B3GAT2: variants seen among roughly 807,000 people sequenced by gnomAD.
B3GAT2 encodes the protein beta-1,3-glucuronyltransferase 2, also known as galactosylgalactosylxylosylprotein 3-beta-glucuronosyltransferase 2.
In B3GAT2, 26 loss-of-function variants were observed where a neutral mutation model predicts 27.8. The ratio of observed to expected loss-of-function variants is 0.93; its 90% CI spans 0.68 to 1.30. The LOEUF (loss-of-function observed/expected upper bound fraction) is 1.30, where lower values mean the gene tolerates loss of function less well. Ranked by LOEUF, B3GAT2 falls within the 50% of genes most tolerant of loss-of-function variation. The pLI, the probability that B3GAT2 is intolerant of heterozygous loss-of-function variation, is 0.00. For synonymous variants in B3GAT2, 218 were observed against 195.1 expected (o/e 1.12, Z -0.98); for missense variants, 458 against 459.0 (o/e 1.00, Z 0.02).
chr6:70,911,122 G>A (rs1464698844), intron 1 of B3GAT2, among the ~76,000 whole-genome samples: 2 of 152,070 alleles, frequency 1.3e-5, no homozygotes, highest in Non-Finnish European at 1.5e-5. Context: ...TAGGTTGTCT[G>A]TTTACTCTCT....
Position 70,860,713 on chromosome 6 carries a change from A to C in B3GAT2, c.*950T>G, listed in dbSNP as rs1210555326. 1.7e-5 allele frequency: 7 copies of C among 403,380 alleles called. No homozygotes were observed. In the East Asian group the frequency reaches 2.5e-4, roughly 14 times the overall value. The allele number at this position is 403,380 out of a possible 1,614,324, so 25.0% of individuals were successfully genotyped here. A position where few individuals can be genotyped will look rare whatever the true frequency, so the allele number is the denominator to read the frequency against. On this transcript the variant is annotated 3_prime_UTR_variant, in exon 4 of 4. Transcript: ENST00000230053. The stretch of plus-strand genomic sequence containing the variant: ...TATAAACCCCACCCCAAAATTAGCC[A>C]GTAATCCTGTAGGAAGGTACTGTAT...
chr6:70,930,842 C>T (rs1479436630), intron 1 of B3GAT2, among the ~76,000 whole-genome samples: 3 of 152,006 alleles, frequency 2.0e-5, no homozygotes, highest in East Asian at 1.9e-4. Context: ...GGTTATATAC[C>T]CAAAGGATTA....
intron 1 of B3GAT2, among the ~76,000 whole-genome samples, chr6:70,918,365 C>T (rs566789015): frequency 6.6e-6 from 1 of 152,168 alleles, no homozygotes; most frequent in Non-Finnish European, 1.5e-5. Context: ...CAGTCTGTGT[C>T]TTTTAATTGG....
Position 70,859,462 on chromosome 6 carries a change from T to G in B3GAT2, c.*2201A>C, listed in dbSNP as rs1004041759. On this transcript the variant is annotated 3_prime_UTR_variant, in exon 4 of 4. Coordinates refer to ENST00000230053, the MANE Select transcript of B3GAT2 (RefSeq NM_080742.3). ...TCTTCAGACACTTATGCCTGATTAG[T>G]GATGTAGTTTATGTTAGTGTCTTTG... 8.1e-7 allele frequency: 1 copy of G among 1,237,504 alleles called. No homozygotes were observed. Among genetic ancestry groups the G allele is most frequent in the African/African-American group, 1.5e-5 (1 of 66,630 alleles). 76.7% of individuals were successfully genotyped at this position (1,237,504 alleles called of 1,614,324 possible).
Position 70,858,750 on chromosome 6 carries a change from G to A in B3GAT2, c.*2913C>T, listed in dbSNP as rs1424961764. ...CGGATGATTACTGCCCCATGGCTCTGTAAAAATTCTTTTTGTTGAGAAACC... is the reference window on the plus strand; with the variant it reads ...CGGATGATTACTGCCCCATGGCTCTATAAAAATTCTTTTTGTTGAGAAACC... On this transcript the variant is annotated 3_prime_UTR_variant, in exon 4 of 4. Coordinates refer to ENST00000230053, the MANE Select transcript of B3GAT2 (RefSeq NM_080742.3). 6.5e-6 allele frequency: 1 copy of A among 152,700 alleles called. No individual in the cohort carries two copies. Among genetic ancestry groups the A allele is most frequent in the African/African-American group, 2.4e-5 (1 of 41,440 alleles). 9.5% of individuals were successfully genotyped at this position (152,700 alleles called of 1,614,324 possible).
intron 1 of B3GAT2, among the ~76,000 whole-genome samples, chr6:70,929,926 T>C (rs957654007): frequency 3.3e-5 from 5 of 152,218 alleles, no homozygotes; most frequent in Admixed American, 3.3e-4. Flanking sequence ...GGCATCTTGC[T>C]ACCTGACTTC....
chr6:70,942,735 T>C (rs1451814331), intron 1 of B3GAT2, among the ~76,000 whole-genome samples: 1 of 152,168 alleles, frequency 6.6e-6, no homozygotes, highest in Non-Finnish European at 1.5e-5. Flanking sequence ...TCAATTAATA[T>C]TTGTTAAGTG....
intron 1 of B3GAT2, among the ~76,000 whole-genome samples, chr6:70,931,679 C>T (rs1773065668): frequency 6.6e-6 from 1 of 152,104 alleles, no homozygotes; most frequent in Non-Finnish European, 1.5e-5. Flanking sequence ...CCCAACACCA[C>T]GTACAAAAGA....
chr6:70,925,488 A>G (rs1320500423), intron 1 of B3GAT2, among the ~76,000 whole-genome samples: 2 of 152,238 alleles, frequency 1.3e-5, no homozygotes, highest in Non-Finnish European at 2.9e-5. Context: ...ACGGCACACC[A>G]GGAGATTATA....
intron 1 of B3GAT2, among the ~76,000 whole-genome samples, chr6:70,936,123 C>A (rs1164376699): frequency 1.3e-5 from 2 of 151,740 alleles, no homozygotes; most frequent in Non-Finnish European, 2.9e-5. Flanking sequence ...ATAAAACAGA[C>A]TTTAAACCAA....
intron 1 of B3GAT2, among the ~76,000 whole-genome samples, chr6:70,947,376 A>G (rs1283236406): frequency 3.3e-5 from 5 of 152,074 alleles, no homozygotes; most frequent in African/African-American, 7.2e-5. Flanking sequence ...TCAAATAGAC[A>G]CAAAAAAAAT....
chr6:70,884,484 C>T (rs759570324), intron 2 of B3GAT2, among the ~76,000 whole-genome samples: 6 of 152,156 alleles, frequency 3.9e-5, no homozygotes, highest in South Asian at 2.1e-4. Context: ...CAGGCAGACC[C>T]GAGCGCCCTC....
At chr6:70,919,112 C>G (rs970943586) in intron 1 of B3GAT2, among the ~76,000 whole-genome samples, 1 of 152,138 alleles carries the variant, frequency 6.6e-6, no homozygotes, top group Non-Finnish European at 1.5e-5. Flanking sequence ...TCTTTTTTCT[C>G]TAATCTTGTC....
At position 70,860,126 on chromosome 6, in the gene B3GAT2, A is replaced by AC; in HGVS notation, c.*1536_*1537insG. 1 of 1,481,870 alleles carries AC rather than the reference A, an allele frequency of 6.7e-7. No homozygotes were observed. Among genetic ancestry groups the AC allele is most frequent in the Middle Eastern group, 1.8e-4 (1 of 5,504 alleles). The allele number at this position is 1,481,870 out of a possible 1,614,324, so 91.8% of individuals were successfully genotyped here. On this transcript the variant is annotated 3_prime_UTR_variant, in exon 4 of 4. Coordinates refer to ENST00000230053, the MANE Select transcript of B3GAT2 (RefSeq NM_080742.3). ...TTGTCACATTAATGAAAAAATGACC[A>AC]ACTGTGTGGCTAAAGAAACAAGAAT...
chr6:70,906,836 T>A (rs1772609800), intron 1 of B3GAT2, among the ~76,000 whole-genome samples: 1 of 152,104 alleles, frequency 6.6e-6, no homozygotes, highest in African/African-American at 2.4e-5. Context: ...AAAAAAGAAT[T>A]TAAGGCAATT....
intron 1 of B3GAT2, among the ~76,000 whole-genome samples, chr6:70,945,746 G>A (rs1355459262): frequency 6.7e-6 from 1 of 149,232 alleles, no homozygotes; most frequent in Non-Finnish European, 1.5e-5. Context: ...TCCTCGAGAA[G>A]AGCAACTCCA....
chr6:70,950,472 T>C (rs1765562229), intron 1 of B3GAT2, among the ~76,000 whole-genome samples: 1 of 152,142 alleles, frequency 6.6e-6, no homozygotes, highest in Admixed American at 6.5e-5. Context: ...CTTATTATAA[T>C]GATGACATAT....
chr6:70,929,322 T>C (rs924612166), intron 1 of B3GAT2, among the ~76,000 whole-genome samples: 1 of 152,030 alleles, frequency 6.6e-6, no homozygotes, highest in Non-Finnish European at 1.5e-5. Context: ...ATTGTGCACA[T>C]GTACCCTAGA....
intron 1 of B3GAT2, among the ~76,000 whole-genome samples, chr6:70,951,058 C>G (rs558980382): frequency 3.9e-5 from 6 of 152,176 alleles, no homozygotes; most frequent in African/African-American, 1.4e-4. Flanking sequence ...AGAATTTGAG[C>G]TCCATGCAAA....
Sources: gnomAD v4.1 joint callset for allele counts (sites outside exome capture counted in the v4.1 genomes callset) on GRCh38, gnomAD v4.1.1 for gene constraint, MANE v1.5 for transcripts, NCBI Gene and HGNC (gene_info 2026-07-23, HGNC 2026-07-21) for gene names.